BCR: variants seen among roughly 807,000 people sequenced by gnomAD.
The protein encoded by BCR is breakpoint cluster region protein.
Under a neutral mutation model 138.6 loss-of-function variants are expected in BCR, and 58 were observed. The ratio of observed to expected loss-of-function variants is 0.42; its 90% confidence interval spans 0.34 to 0.52. BCR has a LOEUF of 0.52. BCR is among the 20% of genes least tolerant of loss of function. BCR has a pLI of 0.06. For missense variants in BCR, 1,599 were observed against 1,727.2 expected (o/e 0.93, Z 1.32); for synonymous variants, 786 against 730.1 (o/e 1.08, Z -1.23).
chr22:23,288,112 A>T lies in BCR; in HGVS notation c.2542A>T (p.Ile848Phe). 2.5e-6 allele frequency: 4 copies of T among 1,613,926 alleles called. No homozygotes were observed. Among genetic ancestry groups the T allele is most frequent in the Non-Finnish European group, 3.4e-6 (4 of 1,179,920 alleles). The stretch of plus-strand genomic sequence containing the variant: ...CCCACCCTAGAGTTACACGTTCCTG[A>T]TCTCCTCTGACTATGAGCGTGCAGA... ...SRNGKSYTFLISSDYERAEWR... is the reference protein window; with the variant it reads ...SRNGKSYTFLFSSDYERAEWR... The change falls in exon 12 of 23, where the codon ATC (isoleucine) becomes TTC (phenylalanine). Residue 848 changes from isoleucine (I) to phenylalanine (F), a missense_variant. Ile to Phe is a conservative substitution (Grantham distance 21, BLOSUM62 0). Around this residue, in one of 4 missense-constraint regions of BCR, gnomAD observed 590 missense variants for 762.4 expected, o/e 0.77. Transcript: ENST00000305877.
Position 23,285,123 on chromosome 22 carries a change from C to A in BCR, c.2328C>A (p.Ile776=). The A allele has an allele frequency of 6.2e-7, 1 of 1,614,044 alleles. No homozygotes were observed. Among genetic ancestry groups the A allele is most frequent in the Non-Finnish European group, 8.5e-7 (1 of 1,179,988 alleles). The stretch of plus-strand genomic sequence containing the variant: ...ATGAACTGGAGGCAGTGCCCAACAT[C>A]CCCCTGGTGCCCGATGAGGAGCTGG... The part of the protein sequence containing the change: ...MVDELEAVPN[I]PLVPDEELDA... Residue 776 remains isoleucine (I), a synonymous_variant, in exon 10 of 23, where the codon ATC becomes ATA. Transcript: ENST00000305877.
rs1286847317 is a variant in BCR at position 23,180,867 on chromosome 22, G to T, written c.-94G>T. ...CGCCGCCGCGCGGGCCATGGGGGCC[G>T]CCCGGCGCCCGGGGCCGGGCTGGCG... On this transcript the variant is annotated 5_prime_UTR_variant, in exon 1 of 23. Coordinates refer to ENST00000305877, the MANE Select transcript of BCR (RefSeq NM_004327.4). The T allele has an allele frequency of 1.1e-5, 8 of 742,260 alleles. No homozygotes were observed. Among genetic ancestry groups the T allele is most frequent in the Admixed American group, 1.6e-4 (1 of 6,252 alleles). 46.0% of individuals were successfully genotyped at this position (742,260 alleles called of 1,614,324 possible).
At chr22:23,303,790 G>T (rs1250495815) in intron 16 of BCR, among the ~76,000 whole-genome samples, 1 of 152,102 alleles carries the variant, frequency 6.6e-6, no homozygotes, top group Non-Finnish European at 1.5e-5. Flanking sequence ...GCCACTTTTG[G>T]ACCCTTTATT....
intron 16 of BCR, among the ~76,000 whole-genome samples, chr22:23,295,749 C>A (rs979558269): frequency 1.3e-5 from 2 of 152,110 alleles, no homozygotes; most frequent in Non-Finnish European, 2.9e-5. Flanking sequence ...ACTGCCTGGG[C>A]CCTCTGTCCT....
chr22:23,263,990 T>G, intron 4 of BCR: 2 of 891,472 alleles, frequency 2.2e-6, no homozygotes, highest in Non-Finnish European at 3.8e-6. Context: ...ACAGAGACTT[T>G]CCCCCAAGGG....
At chr22:23,282,718 C>T (rs1390640557) in intron 8 of BCR, among the ~76,000 whole-genome samples, 1 of 152,212 alleles carries the variant, frequency 6.6e-6, no homozygotes, top group Non-Finnish European at 1.5e-5. Flanking sequence ...AGGACAGGTG[C>T]ACCGCCTGCG....
In BCR at chr22:23,181,716, C is replaced by T. The variant is rs550957080; in HGVS notation, c.756C>T (p.Asn252=). Residue 252 remains asparagine (N), a synonymous_variant, in exon 1 of 23, where the codon AAC becomes AAT. Transcript: ENST00000305877. ...GCGACTACGAGGACGCCGAGTTGAA[C>T]CCCCGCTTCCTGAAGGACAACCTGA... The part of the protein sequence containing the change: ...VDGDYEDAEL[N]PRFLKDNLID... 5.6e-6 allele frequency: 9 copies of T among 1,603,902 alleles called. No individual in the cohort carries two copies. The highest frequency in any genetic ancestry group is 1.3e-5 in the African/African-American group (1 of 75,060).
chr22:23,241,438 T>C (rs573102940), intron 1 of BCR, among the ~76,000 whole-genome samples: 3 of 152,242 alleles, frequency 2.0e-5, no homozygotes, highest in South Asian at 2.1e-4. Flanking sequence ...TGAGCACCTT[T>C]GCTGGTGTGG....
At chr22:23,210,263 G>A (rs113631577) in intron 1 of BCR, among the ~76,000 whole-genome samples, 10,278 of 151,702 alleles carry the variant, frequency 0.068, 1,164 homozygotes, top group African/African-American at 0.23. Flanking sequence ...AAAAAAATTT[G>A]AAAATTAGCT....
At chr22:23,235,174 G>A (rs1490876350) in intron 1 of BCR, among the ~76,000 whole-genome samples, 2 of 143,938 alleles carry the variant, frequency 1.4e-5, no homozygotes, top group Non-Finnish European at 3.2e-5. Flanking sequence ...GTACGATCTT[G>A]GCTCCTAGGT....
chr22:23,295,089 C>T lies in BCR; in HGVS notation c.2946C>T (p.Asn982=). ...TACTGTGCTATGAAAAGTGTTACAA[C>T]AAGACGAAGATCCCCAAGGAGGACG... is the stretch of plus-strand genomic sequence containing the variant. ...LRILCYEKCY[N]KTKIPKEDGE... The change falls in exon 16 of 23, where the codon AAC becomes AAT. Residue 982 remains asparagine, a synonymous_variant. Coordinates refer to ENST00000305877, the MANE Select transcript of BCR (RefSeq NM_004327.4). 1 of 1,614,180 alleles carries T rather than the reference C, an allele frequency of 6.2e-7. No homozygotes were observed. Among genetic ancestry groups the T allele is most frequent in the Non-Finnish European group, 8.5e-7 (1 of 1,180,026 alleles).
chr22:23,311,460 A>G (rs1471740238), intron 18 of BCR, among the ~76,000 whole-genome samples: 1 of 151,874 alleles, frequency 6.6e-6, no homozygotes, highest in Non-Finnish European at 1.5e-5. Flanking sequence ...CGCAAAGGTC[A>G]TGTGTGATTC....
At chr22:23,271,374 G>A (rs572256751) in intron 5 of BCR, among the ~76,000 whole-genome samples, 158 bp from the exon 6 acceptor site, 4 of 152,350 alleles carry the variant, frequency 2.6e-5, no homozygotes, top group South Asian at 4.1e-4. Flanking sequence ...CGGCTTGCTC[G>A]TGGGTCCCTG....
At chr22:23,266,807 C>T (rs1051443515) in intron 4 of BCR, among the ~76,000 whole-genome samples, 8 of 152,210 alleles carry the variant, frequency 5.3e-5, no homozygotes, top group Non-Finnish European at 7.3e-5. Flanking sequence ...GCATCAGATC[C>T]GGAGGCACAT....
chr22:23,241,310 G>A (rs1398988998), intron 1 of BCR, among the ~76,000 whole-genome samples: 1 of 152,198 alleles, frequency 6.6e-6, no homozygotes, highest in Non-Finnish European at 1.5e-5. Flanking sequence ...GCCAGCAGGG[G>A]GAAGTCCCTC....
chr22:23,304,582 C>G (rs2146322035), intron 16 of BCR, among the ~76,000 whole-genome samples: 1 of 152,304 alleles, frequency 6.6e-6, no homozygotes. Flanking sequence ...TGTTTTCATT[C>G]ACTGAGTAAA....
intron 4 of BCR, chr22:23,262,106 G>GTGGCTGGGACTACAGGTGCA (rs2073367513): frequency 5.7e-5 from 2 of 34,860 alleles, no homozygotes; most frequent in Admixed American, 2.6e-4. Flanking sequence ...CACCCTGTGT[G>GTGGCTGGGACTACAGGTGCA]CGCCATCACA....
intron 8 of BCR, among the ~76,000 whole-genome samples, chr22:23,279,374 C>G (rs887663821): frequency 1.3e-5 from 2 of 152,230 alleles, no homozygotes; most frequent in Non-Finnish European, 2.9e-5. Flanking sequence ...ACCTCATTCT[C>G]GGCTGCAGTG....
intron 6 of BCR, among the ~76,000 whole-genome samples, chr22:23,272,510 G>T (rs1310220946): frequency 6.6e-6 from 1 of 152,136 alleles, no homozygotes; most frequent in African/African-American, 2.4e-5. Flanking sequence ...GCTGGCCAGG[G>T]CTCCCACCAT....
Sources: allele counts gnomAD v4.1 joint callset (sites outside exome capture counted in the v4.1 genomes callset), GRCh38; gene constraint gnomAD v4.1.1; regional missense constraint gnomAD v4.1.1; transcripts MANE v1.5; gene names NCBI Gene and HGNC (gene_info 2026-07-23, HGNC 2026-07-21).